The following LRP2 variants were observed in gnomAD, a reference collection of about 807,000 sequenced individuals.
LRP2 encodes the protein low-density lipoprotein receptor-related protein 2.
In LRP2, 172 loss-of-function variants were observed where a neutral mutation model predicts 531.0. The ratio of observed to expected loss-of-function variants is 0.32; its 90% CI spans 0.29 to 0.37. The LOEUF is 0.37. LRP2 is among the 10% of genes least tolerant of loss of function. The pLI is 1.00. For missense variants in LRP2, 5,167 were observed against 5,868.3 expected, an observed-to-expected ratio of 0.88 and a Z score of 3.90; for synonymous variants, 1,992 against 2,027.6, an observed-to-expected ratio of 0.98 and a Z score of 0.47.
intron 68 of LRP2, 109 bp downstream of exon 68, chr2:169,150,789 T>G: frequency 7.2e-7 from 1 of 1,391,328 alleles, no homozygotes; most frequent in South Asian, 1.2e-5. Flanking sequence ...CCCAAAAACT[T>G]GAAGGACAAT....
intron 71 of LRP2, among the ~76,000 whole-genome samples, chr2:169,140,796 G>T (rs1348620261): frequency 6.6e-6 from 1 of 152,186 alleles, no homozygotes; most frequent in South Asian, 2.1e-4. Context: ...ACTAGACTCT[G>T]GAGCACATAT....
intron 52 of LRP2, among the ~76,000 whole-genome samples, chr2:169,181,190 A>AT (rs1687416882): frequency 6.6e-6 from 1 of 152,174 alleles, no homozygotes; most frequent in Non-Finnish European, 1.5e-5. Flanking sequence ...TATTAGCCCC[A>AT]TTTTCTAGAT....
At chr2:169,328,320 C>T (rs1403438577) in intron 1 of LRP2, among the ~76,000 whole-genome samples, 7 of 137,640 alleles carry the variant, frequency 5.1e-5, no homozygotes, top group African/African-American at 5.4e-5. Context: ...CCAGACGCCC[C>T]GTCCGGGAGG....
intron 77 of LRP2, among the ~76,000 whole-genome samples, chr2:169,129,510 T>C (rs1685208673): frequency 2.6e-5 from 4 of 152,254 alleles, no homozygotes; most frequent in Admixed American, 2.6e-4. Context: ...AGTAACATTC[T>C]TTGGTCAACT....
chr2:169,169,380 C>T (rs1182169569), intron 60 of LRP2, among the ~76,000 whole-genome samples: 2 of 152,130 alleles, frequency 1.3e-5, no homozygotes, highest in East Asian at 1.9e-4. Flanking sequence ...CTAATGTATT[C>T]GTTGCTTGAA....
Position 169,129,048 on chromosome 2 carries a change from G to C in LRP2, c.13765C>G (p.Gln4589Glu), listed in dbSNP as rs767605791. The change falls in exon 78 of 79, where the codon CAA becomes GAA. Residue 4589 changes from glutamine to glutamate, a missense_variant. Gln to Glu is a conservative substitution (Grantham distance 29). This residue lies in a region of LRP2 where 348 missense variants were observed against 369.3 expected (regional missense o/e 0.94). Transcript: ENST00000649046. ...KWNLFKRKSK[Q>E]TTNFENPIYA... The stretch of plus-strand genomic sequence containing the variant: ...ATTGGATTTTCAAAGTTGGTAGTTT[G>C]TTTAGATTTTCGTTTGAAGAGATTC... The C allele has an allele frequency of 6.2e-7, 1 of 1,612,434 alleles. No homozygotes were observed. Among genetic ancestry groups the C allele is most frequent in the Non-Finnish European group, 8.5e-7 (1 of 1,178,494 alleles).
At chr2:169,140,394 G>T (rs1221923407) in intron 72 of LRP2, 61 bp downstream of exon 72, 3 of 1,302,428 alleles carry the variant, frequency 2.3e-6, no homozygotes, top group African/African-American at 1.4e-5. Context: ...GCTACTTTAA[G>T]GTCTCAAATT....
chr2:169,345,565 A>C (rs1349071591), intron 1 of LRP2, among the ~76,000 whole-genome samples: 1 of 152,182 alleles, frequency 6.6e-6, no homozygotes, highest in Non-Finnish European at 1.5e-5. Context: ...TCTAATCCCG[A>C]ATGAGGTTGT....
chr2:169,342,924 G>A (rs749230053), intron 1 of LRP2, among the ~76,000 whole-genome samples: 1 of 152,154 alleles, frequency 6.6e-6, no homozygotes, highest in Non-Finnish European at 1.5e-5. Context: ...GAAATAATAA[G>A]GAACTTTTGC....
At chr2:169,242,226 C>G (rs1389440745) in intron 24 of LRP2, among the ~76,000 whole-genome samples, 2 of 152,134 alleles carry the variant, frequency 1.3e-5, no homozygotes, top group African/African-American at 2.4e-5. Flanking sequence ...AACAAATGAT[C>G]AACTCACTGA....
intron 71 of LRP2, among the ~76,000 whole-genome samples, chr2:169,141,538 C>T (rs1001811642): frequency 6.6e-6 from 1 of 152,130 alleles, no homozygotes. Context: ...TATACCAAAC[C>T]GAGGCCCTAT....
intron 66 of LRP2, among the ~76,000 whole-genome samples, chr2:169,153,958 A>G (rs1686237135): frequency 6.6e-6 from 1 of 152,220 alleles, no homozygotes; most frequent in Non-Finnish European, 1.5e-5. Context: ...TTTGTCCCCA[A>G]AAAGCAGATG....
chr2:169,238,451 T>A, intron 26 of LRP2, 149 bp from the exon 27 acceptor site: 1 of 651,260 alleles, frequency 1.5e-6, no homozygotes. Context: ...GGAAGCCCCA[T>A]ATGAATGATT....
chr2:169,312,554 G>T (rs915405586), intron 3 of LRP2, among the ~76,000 whole-genome samples: 2 of 152,212 alleles, frequency 1.3e-5, no homozygotes, highest in African/African-American at 4.8e-5. Context: ...GGCTTGTGGA[G>T]TTTCTGCCGA....
rs554921847 is a variant in LRP2, at chr2:169,226,068, C to T, written c.5394+354G>A. 5.3e-5 allele frequency among the ~76,000 whole-genome samples: 8 copies of T among 152,294 alleles called. No homozygotes were observed. In the South Asian group the frequency reaches 1.7e-3, roughly 32 times the overall value. ...GAATATTTTCTACTAGCTTAAGACT[C>T]CTCTAGGGGCAAGCATTGTGACTGC... On this transcript the variant is annotated intron_variant, in intron 32 of 78. Coordinates refer to ENST00000649046, the MANE Select transcript of LRP2 (RefSeq NM_004525.3).
At chr2:169,311,362 A>G (rs1684593234) in intron 3 of LRP2, among the ~76,000 whole-genome samples, 1 of 152,108 alleles carries the variant, frequency 6.6e-6, no homozygotes, top group African/African-American at 2.4e-5. Context: ...CCCTCTACAC[A>G]CGCTTTAAGT....
intron 8 of LRP2, among the ~76,000 whole-genome samples, chr2:169,289,661 T>C (rs1683950705): frequency 6.6e-6 from 1 of 152,120 alleles, no homozygotes; most frequent in African/African-American, 2.4e-5. Context: ...AGGTCATGCA[T>C]GGGTCTATCT....
Position 169,233,137 on chromosome 2 carries a change from G to A in LRP2, c.5098+274C>T, listed in dbSNP as rs13408445. Among the ~76,000 whole-genome samples the A allele has an allele frequency of 0.04, 6,152 of 152,248 alleles. 408 individuals carry two copies. The highest frequency in any genetic ancestry group is 0.14 in the African/African-American group (5,641 of 41,528). On this transcript the variant is annotated intron_variant, in intron 30 of 78. Coordinates refer to ENST00000649046, the MANE Select transcript of LRP2 (RefSeq NM_004525.3). ...TACTCCATTTGTCAGCTGAGGAAAC[G>A]GAGACTCATGTGAGGGTCAAAGAGG...
At chr2:169,210,997 G>A (rs62172627) in intron 37 of LRP2, among the ~76,000 whole-genome samples, 3,862 of 152,220 alleles carry the variant, frequency 0.025, 63 homozygotes, top group Non-Finnish European at 0.037. Context: ...CAACGTTTCT[G>A]TGTTTGAACA....
Sources: allele counts gnomAD v4.1 joint callset (sites outside exome capture counted in the v4.1 genomes callset), GRCh38; gene constraint gnomAD v4.1.1; regional missense constraint gnomAD v4.1.1; transcripts MANE v1.5; gene names NCBI Gene and HGNC (gene_info 2026-07-23, HGNC 2026-07-21).